Variants in CDC14B observed in about 807,000 individuals in gnomAD.
CDC14B encodes cell division cycle 14B.
CDC14B carries 22 observed loss-of-function variants against 64.2 expected under a neutral mutation model. The ratio of observed to expected loss-of-function variants is 0.34; its 90% CI spans 0.24 to 0.49. The LOEUF is 0.49. Among genes scored for constraint, CDC14B ranks in the 20% least tolerant of loss-of-function variants. The pLI, the probability that CDC14B is intolerant of heterozygous loss-of-function variation, is 0.99. For synonymous variants in CDC14B, 191 were observed against 215.8 expected (o/e 0.89, Z 1.01); for missense variants, 498 against 629.9 (o/e 0.79, Z 2.24).
At chr9:96,575,845 A>C (rs1429002908) in intron 1 of CDC14B, among the ~76,000 whole-genome samples, 1 of 152,208 alleles carries the variant, frequency 6.6e-6, no homozygotes, top group African/African-American at 2.4e-5. Flanking sequence ...AAAAACCCCA[A>C]AAAGTCCTCA....
chr9:96,543,320 C>T (rs952682217), intron 5 of CDC14B, among the ~76,000 whole-genome samples: 9 of 150,748 alleles, frequency 6.0e-5, no homozygotes, highest in African/African-American at 2.2e-4. Context: ...GGTGACAGAG[C>T]GAGACTCGAG....
intron 4 of CDC14B, among the ~76,000 whole-genome samples, chr9:96,552,730 C>A (rs1014584626): frequency 2.0e-5 from 3 of 152,102 alleles, no homozygotes; most frequent in Non-Finnish European, 4.4e-5. Context: ...CCTCTGCCTA[C>A]CCCCTATTAC....
chr9:96,607,506 C>T (rs549281235), intron 1 of CDC14B, among the ~76,000 whole-genome samples: 2 of 150,582 alleles, frequency 1.3e-5, no homozygotes, highest in African/African-American at 4.9e-5. Context: ...CTGCAAGCTC[C>T]GCTTCCAGGG....
At chr9:96,612,264 A>T (rs887019182) in intron 1 of CDC14B, among the ~76,000 whole-genome samples, 3 of 152,196 alleles carry the variant, frequency 2.0e-5, no homozygotes, top group Admixed American at 1.3e-4. Flanking sequence ...CACTGTGCTG[A>T]TTCACTGAAC....
intron 1 of CDC14B, among the ~76,000 whole-genome samples, chr9:96,606,953 G>A (rs1017667613): frequency 1.3e-5 from 2 of 151,756 alleles, no homozygotes; most frequent in Non-Finnish European, 2.9e-5. Context: ...GGAGGATCAC[G>A]AGCACAGGAA....
At chr9:96,575,536 G>C (rs886709668) in intron 1 of CDC14B, among the ~76,000 whole-genome samples, 1 of 152,052 alleles carries the variant, frequency 6.6e-6, no homozygotes, top group Admixed American at 6.6e-5. Flanking sequence ...CAGCAAGAGA[G>C]AAAATGACAC....
intron 1 of CDC14B, among the ~76,000 whole-genome samples, chr9:96,592,037 G>T (rs148135297): frequency 6.6e-6 from 1 of 151,922 alleles, no homozygotes; most frequent in Non-Finnish European, 1.5e-5. Context: ...GAGCCACAGC[G>T]CCCGGCCTGT....
chr9:96,599,625 A>G (rs1846302946), intron 1 of CDC14B, among the ~76,000 whole-genome samples: 1 of 152,226 alleles, frequency 6.6e-6, no homozygotes, highest in South Asian at 2.1e-4. Context: ...AGTTTAGTTA[A>G]TAATTCACAA....
chr9:96,516,758 G>C (rs951107550), intron 12 of CDC14B, among the ~76,000 whole-genome samples: 1 of 152,006 alleles, frequency 6.6e-6, no homozygotes, highest in South Asian at 2.1e-4. Flanking sequence ...TTATAGGCGT[G>C]AGCCATCGCA....
chr9:96,603,711 T>C (rs144405109), intron 1 of CDC14B, among the ~76,000 whole-genome samples: 8 of 152,314 alleles, frequency 5.3e-5, no homozygotes, highest in African/African-American at 1.9e-4. Flanking sequence ...ATTAGCACTA[T>C]GACTTATTTT....
chr9:96,517,757 C>G (rs987534906), intron 12 of CDC14B, among the ~76,000 whole-genome samples: 1 of 151,586 alleles, frequency 6.6e-6, no homozygotes, highest in African/African-American at 2.4e-5. Flanking sequence ...CCTCCAACTC[C>G]TAGGCACAAG....
Position 96,539,078 on chromosome 9 carries a change from T to C in CDC14B, c.627A>G (p.Glu209=). The part of the protein sequence containing the change: ...SFNLDEYEHY[E]KAENGDLNWI... ...GAAAACATGATCCTTGAAGACTTAC[T>C]TCATAGTGTTCATATTCATCAAGGT... The change falls in exon 7 of 14, where the codon GAA becomes GAG. Residue 209 remains glutamate, a splice_region_variant and synonymous_variant. Coordinates refer to ENST00000375241, the MANE Select transcript of CDC14B (RefSeq NM_033331.4). 1 of 1,595,734 alleles carries C rather than the reference T, an allele frequency of 6.3e-7. No individual in the cohort carries two copies. Among genetic ancestry groups the C allele is most frequent in the Non-Finnish European group, 8.6e-7 (1 of 1,163,490 alleles).
At chr9:96,508,038 C>CA (rs2131307026) in intron 13 of CDC14B, among the ~76,000 whole-genome samples, 1 of 150,386 alleles carries the variant, frequency 6.6e-6, no homozygotes, top group Admixed American at 6.6e-5. Flanking sequence ...TTTTTTGAGA[C>CA]AGAGTCTCAC....
downstream of CDC14B, chr9:96,496,253 A>T (rs376029604): frequency 1.2e-4 from 57 of 493,408 alleles, no homozygotes; most frequent in East Asian, 3.2e-3. Flanking sequence ...GCAGTGGGCA[A>T]CGGGCGTGTC....
intron 4 of CDC14B, among the ~76,000 whole-genome samples, chr9:96,555,991 G>A (rs1289675324): frequency 6.6e-6 from 1 of 152,108 alleles, no homozygotes. Context: ...GATCCCAGCT[G>A]CATTACTTCT....
chr9:96,542,046 A>G (rs1214235180), intron 5 of CDC14B, among the ~76,000 whole-genome samples, 154 bp from the exon 6 acceptor site: 1 of 152,220 alleles, frequency 6.6e-6, no homozygotes, highest in Non-Finnish European at 1.5e-5. Context: ...ATAAAAGATA[A>G]ATCAATTACA....
At chr9:96,530,416 C>T (rs1399714485) in intron 9 of CDC14B, among the ~76,000 whole-genome samples, 9 of 149,746 alleles carry the variant, frequency 6.0e-5, no homozygotes, top group African/African-American at 1.7e-4. Context: ...CCTTAGCATG[C>T]GCCACGCCCG....
intron 1 of CDC14B, among the ~76,000 whole-genome samples, chr9:96,595,554 A>G (rs1846021735): frequency 6.6e-6 from 1 of 152,210 alleles, no homozygotes; most frequent in Non-Finnish European, 1.5e-5. Flanking sequence ...AATAGCCTAA[A>G]AGGAGAAACA....
At chr9:96,542,675 G>C (rs56238541) in intron 5 of CDC14B, among the ~76,000 whole-genome samples, 7,801 of 150,106 alleles carry the variant, frequency 0.052, 690 homozygotes, top group African/African-American at 0.18. Flanking sequence ...TTTTTTTTAA[G>C]GTAGAGATGG....
Sources: gnomAD v4.1 joint callset for allele counts (sites outside exome capture counted in the v4.1 genomes callset) on GRCh38, gnomAD v4.1.1 for gene constraint, MANE v1.5 for transcripts, NCBI Gene and HGNC (gene_info 2026-07-23, HGNC 2026-07-21) for gene names.